The following RINL variants were observed in gnomAD, a reference collection of about 807,000 sequenced individuals.
RINL encodes the protein Ras and Rab interactor like, also known as ras and Rab interactor-like protein.
Under a neutral mutation model 58.1 loss-of-function variants are expected in RINL, and 39 were observed. The ratio of observed to expected loss-of-function variants is 0.67; its 90% CI spans 0.52 to 0.88. The LOEUF is 0.88. Ranked by LOEUF, RINL falls within the 40% of genes least tolerant of loss-of-function variation. RINL has a pLI of 0.00. For missense variants in RINL, 711 were observed against 749.2 expected (o/e 0.95, Z 0.60); for synonymous variants, 286 against 323.1 (o/e 0.89, Z 1.23).
intron 6 of RINL, 160 bp from the exon 7 acceptor site, chr19:38,871,387 T>C (rs1239957826): frequency 7.6e-6 from 6 of 784,680 alleles, no homozygotes; most frequent in Non-Finnish European, 1.2e-5. Context: ...AGGCCCCTAG[T>C]CCCCTTCTCA....
At position 38,871,312 on chromosome 19, in the gene RINL, C is replaced by T. The variant is rs190920056; in HGVS notation, c.452-85G>A. ...TCAAGGCGCCAGGAGACTTACTTCC[C>T]AGCTTCATTGCTGGAGGTGCTGAGG... On this transcript the variant is annotated intron_variant, in intron 6 of 11. Coordinates refer to ENST00000591812, the MANE Select transcript of RINL (RefSeq NM_001195833.2). 2.8e-4 allele frequency: 410 copies of T among 1,476,308 alleles called. No homozygotes were observed. In the African/African-American group the frequency reaches 4.9e-3, roughly 18 times the overall value. The allele number at this position is 1,476,308 out of a possible 1,614,324, so 91.5% of individuals were successfully genotyped here.
At chr19:38,876,905 C>G in intron 1 of RINL, 124 bp from the exon 2 acceptor site, 1 of 620,210 alleles carries the variant, frequency 1.6e-6, no homozygotes, top group South Asian at 1.9e-5. Context: ...CTTGCCGTGG[C>G]AGGGGTTAAT....
intron 5 of RINL, 36 bp from the exon 6 acceptor site, chr19:38,871,747 G>C (rs377067285): frequency 6.2e-7 from 1 of 1,613,638 alleles, no homozygotes; most frequent in South Asian, 1.1e-5. Context: ...AGTGTCAGTG[G>C]GGTGTCTTAG....
chr19:38,874,078 G>T (rs1297770347), intron 3 of RINL, 90 bp from the exon 4 acceptor site: 2 of 781,634 alleles, frequency 2.6e-6, no homozygotes, highest in African/African-American at 1.7e-5. Flanking sequence ...CCTTATTTTG[G>T]GTTCCACACC....
Position 38,870,334 on chromosome 19 carries a change from C to T in RINL, c.1025-74G>A. The stretch of plus-strand genomic sequence containing the variant: ...CGCCCACCCACGCGCTCCAACAACC[C>T]ACCCTGGCCCACAGCCACCCCTGCC... On this transcript the variant is annotated intron_variant, in intron 8 of 11. Coordinates refer to ENST00000591812, the MANE Select transcript of RINL (RefSeq NM_001195833.2). The surrounding 1 kb of genome is among the most constrained non-coding windows in gnomAD (Gnocchi z 5.8). The T allele has an allele frequency of 8.4e-7, 1 of 1,191,410 alleles. No homozygotes were observed. Among genetic ancestry groups the T allele is most frequent in the Non-Finnish European group, 1.1e-6 (1 of 897,000 alleles). The allele number at this position is 1,191,410 out of a possible 1,614,324, so 73.8% of individuals were successfully genotyped here.
In RINL at chr19:38,871,874, T is replaced by G; in HGVS notation, c.314-4A>C. 6.2e-7 allele frequency: 1 copy of G among 1,612,788 alleles called. No homozygotes were observed. Among genetic ancestry groups the G allele is most frequent in the Non-Finnish European group, 8.5e-7 (1 of 1,178,892 alleles). ...TTGGAGGATTCCAGGGACACACCTG[T>G]GGTGGGGGGAGGAAGAAGGAGAAAG... is the stretch of plus-strand genomic sequence containing the variant. On this transcript the variant is annotated splice_polypyrimidine_tract_variant and splice_region_variant and intron_variant, in intron 4 of 11. Transcript: ENST00000591812.
In RINL at chr19:38,869,228, C is replaced by T. The variant is rs758396779; in HGVS notation, c.1638+19G>A. 2.5e-6 allele frequency: 4 copies of T among 1,614,032 alleles called. No individual in the cohort carries two copies. Among genetic ancestry groups the T allele is most frequent in the Non-Finnish European group, 3.4e-6 (4 of 1,180,008 alleles). On this transcript the variant is annotated intron_variant, in intron 11 of 11. Coordinates refer to ENST00000591812, the MANE Select transcript of RINL (RefSeq NM_001195833.2). This position sits in a 1 kb window ranked among gnomAD's most constrained non-coding sequence, Gnocchi z 5.7. ...CAGGTCTCACCCTCCCTTCTACTTG[C>T]AGCCAGATGGGCAGTCACCTGGGCT...
chr19:38,876,532 G>A (rs1446654231), intron 2 of RINL, 42 bp from the exon 3 acceptor site: 17 of 1,526,792 alleles, frequency 1.1e-5, no homozygotes, highest in Non-Finnish European at 1.4e-5. Context: ...TCAGAGGTGG[G>A]CAGTGGGACA....
intron 3 of RINL, among the ~76,000 whole-genome samples, chr19:38,874,961 C>G (rs1972888360): frequency 6.6e-6 from 1 of 151,822 alleles, no homozygotes. Context: ...GTGGTGAATC[C>G]CAGTCTCTAC....
intron 4 of RINL, among the ~76,000 whole-genome samples, chr19:38,872,828 T>G (rs888670022): frequency 6.6e-6 from 1 of 152,204 alleles, no homozygotes; most frequent in South Asian, 2.1e-4. Flanking sequence ...TGTATACCTA[T>G]GTAACAAACC....
chr19:38,868,960 A>T lies in RINL; in HGVS notation c.*144T>A. ...AGGAGTACGCCACCACGCCCGGCTA[A>T]TTTTTGTTTTTTTTTTTTTTTGGTA... On this transcript the variant is annotated 3_prime_UTR_variant, in exon 12 of 12. Coordinates refer to ENST00000591812, the MANE Select transcript of RINL (RefSeq NM_001195833.2). The T allele has an allele frequency of 1.4e-6, 1 of 715,100 alleles. No individual in the cohort carries two copies. Among genetic ancestry groups the T allele is most frequent in the Non-Finnish European group, 2.2e-6 (1 of 449,920 alleles). 44.3% of individuals were successfully genotyped at this position (715,100 alleles called of 1,614,324 possible).
chr19:38,869,845 A>C lies in RINL; in HGVS notation c.1342+98T>G. Reference sequence around the variant, plus strand: ...GACAGCGCCTCCTACCAGAATCTTCAGGACCGCATAGATTCCTCCCACCAG... The same window carrying C: ...GACAGCGCCTCCTACCAGAATCTTCCGGACCGCATAGATTCCTCCCACCAG... On this transcript the variant is annotated intron_variant, in intron 9 of 11. Transcript: ENST00000591812. The surrounding 1 kb of genome is among the most constrained non-coding windows in gnomAD (Gnocchi z 5.7). 4 of 1,519,472 alleles carry C rather than the reference A, an allele frequency of 2.6e-6. No homozygotes were observed. Among genetic ancestry groups the C allele is most frequent in the Non-Finnish European group, 3.5e-6 (4 of 1,129,272 alleles). 94.1% of individuals were successfully genotyped at this position (1,519,472 alleles called of 1,614,324 possible). A position where few individuals can be genotyped will look rare whatever the true frequency, so the allele number is the denominator to read the frequency against.
rs766691638 is a variant in RINL, at chr19:38,871,714, G to T, written c.387-3C>A. The T allele has an allele frequency of 6.2e-7, 1 of 1,614,152 alleles. No individual in the cohort carries two copies. The highest frequency in any genetic ancestry group is 8.5e-7 in the Non-Finnish European group (1 of 1,179,998). ...GCAGGGTTCTGGGCAGAACATCCCT[G>T]AGAATAAAGAGGTGGGAGCCACAGT... On this transcript the variant is annotated splice_polypyrimidine_tract_variant and splice_region_variant and intron_variant, in intron 5 of 11. Coordinates refer to ENST00000591812, the MANE Select transcript of RINL (RefSeq NM_001195833.2).
chr19:38,869,156 G>T lies in RINL; in HGVS notation c.1649C>A (p.Pro550His). Residue 550 changes from proline (P) to histidine (H), a missense_variant, in exon 12 of 12, where the codon CCC (proline) becomes CAC (histidine). Coordinates refer to ENST00000591812, the MANE Select transcript of RINL (RefSeq NM_001195833.2). This position sits in a 1 kb window ranked among gnomAD's most constrained non-coding sequence, Gnocchi z 5.7. ...CTCTTCTGCCCATGGCTCCTTAAAG[G>T]GCAGGTTGGCCTGTGGGGAGAGGTG... ...KDHPRAQANLPFKEPWAEETV... is the reference protein window; with the variant it reads ...KDHPRAQANLHFKEPWAEETV... The T allele has an allele frequency of 6.2e-7, 1 of 1,613,980 alleles. No individual in the cohort carries two copies. The highest frequency in any genetic ancestry group is 8.5e-7 in the Non-Finnish European group (1 of 1,179,928).
rs1242171983 is a variant in RINL, at chr19:38,870,626, A to AT, written c.967dup (p.Ile323AsnfsTer165). On this transcript the variant is annotated frameshift_variant, in exon 8 of 12. Transcript: ENST00000591812. LOFTEE classifies it high-confidence loss of function. The surrounding 1 kb of genome is among the most constrained non-coding windows in gnomAD (Gnocchi z 5.8). ...ACCCCTGCTTCCAAAGACAGCCCTGATGTAGGAGTCCTTTGCCAGGTGATC... is the reference window on the plus strand; with the variant it reads ...ACCCCTGCTTCCAAAGACAGCCCTGATTGTAGGAGTCCTTTGCCAGGTGATC... 1 of 1,612,034 alleles carries AT rather than the reference A, an allele frequency of 6.2e-7. No homozygotes were observed. Among genetic ancestry groups the AT allele is most frequent in the East Asian group, 2.2e-5 (1 of 44,842 alleles).
At chr19:38,876,302 A>G in intron 3 of RINL, 29 bp downstream of exon 3, 1 of 1,524,436 alleles carries the variant, frequency 6.6e-7, no homozygotes, top group Non-Finnish European at 8.8e-7. Flanking sequence ...CTAGGGTGTC[A>G]GGATGGGCCC....
Position 38,876,341 on chromosome 19 carries a change from C to T in RINL, c.200G>A (p.Trp67Ter). The T allele has an allele frequency of 6.5e-7, 1 of 1,536,036 alleles. No individual in the cohort carries two copies. The highest frequency in any genetic ancestry group is 8.7e-7 in the Non-Finnish European group (1 of 1,146,844). ...TQDAEALVGL[W>*]PLGSFLVTGR... ...GCTGTGAGTACTCACCCCTAGTGGC[C>T]ACAGCCCCACAAGGGCCTCCGCATC... Residue 67 changes from tryptophan to a stop codon, truncating the protein, a stop_gained, in exon 3 of 12, where the codon TGG becomes TAG. Transcript: ENST00000591812. LOFTEE classifies it high-confidence loss of function.
At chr19:38,875,342 C>T (rs1260638685) in intron 3 of RINL, among the ~76,000 whole-genome samples, 3 of 151,286 alleles carry the variant, frequency 2.0e-5, no homozygotes, top group African/African-American at 7.3e-5. Flanking sequence ...TGAGTCAGCA[C>T]ACCCGGCCAG....
At position 38,873,870 on chromosome 19, in the gene RINL, A is replaced by G. The variant is rs939599274; in HGVS notation, c.313+16T>C. The G allele has an allele frequency of 1.2e-5, 18 of 1,454,590 alleles. No individual in the cohort carries two copies. Among genetic ancestry groups the G allele is most frequent in the East Asian group, 4.9e-5 (2 of 40,548 alleles). 90.1% of individuals were successfully genotyped at this position (1,454,590 alleles called of 1,614,324 possible). The stretch of plus-strand genomic sequence containing the variant: ...TCAATTGACTGTGGGCTGGAACCTC[A>G]GGGGAGGTGCCTTACCTCTGGGAAT... On this transcript the variant is annotated intron_variant, in intron 4 of 11. Transcript: ENST00000591812.
Sources: gnomAD v4.1 joint callset for allele counts (sites outside exome capture counted in the v4.1 genomes callset) on GRCh38, gnomAD v4.1.1 for gene constraint, Gnocchi (gnomAD v3.1) non-coding constraint, MANE v1.5 for transcripts, NCBI Gene and HGNC (gene_info 2026-07-23, HGNC 2026-07-21) for gene names.